DOK5: variants seen among roughly 807,000 people sequenced by gnomAD.
The protein encoded by DOK5 is docking protein 5.
In DOK5, 27 loss-of-function variants were observed where a neutral mutation model predicts 43.3. The observed-to-expected ratio is 0.62, with a 90% CI of 0.46 to 0.86. The LOEUF is 0.86. DOK5 is among the 40% of genes least tolerant of loss of function. The pLI, the probability that DOK5 is intolerant of heterozygous loss-of-function variation, is 0.00. For missense variants in DOK5, 373 were observed against 392.9 expected, an observed-to-expected ratio of 0.95 and a Z score of 0.43; for synonymous variants, 146 against 140.1, an observed-to-expected ratio of 1.04 and a Z score of -0.30.
chr20:54,584,080 G>A (rs1985722995), intron 2 of DOK5, among the ~76,000 whole-genome samples: 1 of 152,048 alleles, frequency 6.6e-6, no homozygotes, highest in Middle Eastern at 3.2e-3. Flanking sequence ...AACCCAGGAG[G>A]CAGAGGTTAG....
chr20:54,494,112 G>A (rs1982298349), intron 1 of DOK5, among the ~76,000 whole-genome samples: 1 of 152,158 alleles, frequency 6.6e-6, no homozygotes, highest in African/African-American at 2.4e-5. Context: ...GGCACAGCTT[G>A]TCTCACTTCT....
At chr20:54,589,857 C>T (rs772992216) in intron 4 of DOK5, among the ~76,000 whole-genome samples, 5 of 152,044 alleles carry the variant, frequency 3.3e-5, no homozygotes, top group Admixed American at 1.3e-4. Context: ...TGTTATTGAC[C>T]GAGACCTAGA....
Position 54,588,737 on chromosome 20 carries a change from A to G in DOK5, c.340A>G (p.Thr114Ala), listed in dbSNP as rs1985890077. 1 of 1,614,108 alleles carries G rather than the reference A, an allele frequency of 6.2e-7. No homozygotes were observed. The highest frequency in any genetic ancestry group is 8.5e-7 in the Non-Finnish European group (1 of 1,179,968). The change falls in exon 4 of 8, where the codon ACA becomes GCA. Residue 114 changes from threonine to alanine, a missense_variant. Physicochemically the swap from Thr to Ala is moderately conservative, Grantham distance 58 (BLOSUM62 0). Transcript: ENST00000262593. ...CKVLQMECVGTRINDISLGEP... is the reference protein window; with the variant it reads ...CKVLQMECVGARINDISLGEP... The stretch of plus-strand genomic sequence containing the variant: ...AGTACTCCAGATGGAGTGTGTAGGA[A>G]CACGGATCAATGACATCAGCCTTGG...
At chr20:54,569,275 G>C (rs1226644130) in intron 2 of DOK5, among the ~76,000 whole-genome samples, 1 of 152,130 alleles carries the variant, frequency 6.6e-6, no homozygotes, top group East Asian at 1.9e-4. Context: ...TCAAAATATT[G>C]TGGTTAATGA....
chr20:54,552,315 T>C (rs1221803816), intron 1 of DOK5, among the ~76,000 whole-genome samples: 1 of 152,170 alleles, frequency 6.6e-6, no homozygotes, highest in Non-Finnish European at 1.5e-5. Flanking sequence ...AATAACATAT[T>C]ATGAACACTT....
At chr20:54,548,229 T>TTTTA (rs10694715) in intron 1 of DOK5, among the ~76,000 whole-genome samples, 23,124 of 149,352 alleles carry the variant, frequency 0.15, 2,529 homozygotes, top group African/African-American at 0.32. Flanking sequence ...ATTACCTATC[T>TTTTA]TTTATTTATT....
intron 6 of DOK5, among the ~76,000 whole-genome samples, chr20:54,619,015 T>A (rs1986900545): frequency 9.2e-6 from 1 of 108,222 alleles, no homozygotes; most frequent in Non-Finnish European, 1.8e-5. Context: ...AGACCTTGTT[T>A]CAATAAATTA....
At chr20:54,588,187 A>G (rs779086327) in intron 2 of DOK5, among the ~76,000 whole-genome samples, 27 of 152,176 alleles carry the variant, frequency 1.8e-4, no homozygotes, top group Non-Finnish European at 3.5e-4. Context: ...GATTTGAAAA[A>G]CTAAAGAAAA....
intron 1 of DOK5, among the ~76,000 whole-genome samples, chr20:54,500,377 C>A (rs913477721): frequency 6.6e-6 from 1 of 152,002 alleles, no homozygotes; most frequent in African/African-American, 2.4e-5. Flanking sequence ...CATTTTTCTT[C>A]TTTTTATTGT....
chr20:54,529,283 T>C (rs1289091501), intron 1 of DOK5, among the ~76,000 whole-genome samples: 1 of 152,208 alleles, frequency 6.6e-6, no homozygotes, highest in Non-Finnish European at 1.5e-5. Context: ...TGAACAATAA[T>C]TGCTCTTCAA....
intron 6 of DOK5, among the ~76,000 whole-genome samples, chr20:54,639,751 A>C (rs1408521102): frequency 6.6e-6 from 1 of 152,234 alleles, no homozygotes; most frequent in Non-Finnish European, 1.5e-5. Flanking sequence ...CATACAGCAA[A>C]ACCAATTTTC....
chr20:54,597,742 C>A (rs1311857943), intron 5 of DOK5, among the ~76,000 whole-genome samples: 1 of 151,352 alleles, frequency 6.6e-6, no homozygotes, highest in Non-Finnish European at 1.5e-5. Flanking sequence ...GAGAAAGCAT[C>A]TTTTACTTCC....
intron 1 of DOK5, among the ~76,000 whole-genome samples, chr20:54,534,991 G>A (rs557282238): frequency 2.0e-5 from 3 of 152,110 alleles, no homozygotes; most frequent in Non-Finnish European, 4.4e-5. Context: ...GTGCCACCAC[G>A]CCTGGCTAGT....
intron 2 of DOK5, among the ~76,000 whole-genome samples, chr20:54,572,322 G>A (rs536071684): frequency 4.1e-4 from 63 of 152,026 alleles, no homozygotes; most frequent in Non-Finnish European, 7.7e-4. Flanking sequence ...CACCACGCCC[G>A]GCTAATTTTT....
intron 6 of DOK5, among the ~76,000 whole-genome samples, chr20:54,612,821 G>A (rs918465919): frequency 2.0e-5 from 3 of 152,164 alleles, no homozygotes; most frequent in African/African-American, 7.2e-5. Context: ...CAAGATCATG[G>A]CCCGTGAAGC....
intron 1 of DOK5, among the ~76,000 whole-genome samples, chr20:54,498,546 G>A (rs536383322): frequency 2.6e-5 from 4 of 152,246 alleles, no homozygotes; most frequent in South Asian, 4.1e-4. Flanking sequence ...GTTGGGTCAT[G>A]TTTTCAGAGT....
chr20:54,574,071 T>G, intron 2 of DOK5, among the ~76,000 whole-genome samples: 1 of 152,184 alleles, frequency 6.6e-6, no homozygotes, highest in African/African-American at 2.4e-5. Flanking sequence ...CTTCTGTCAT[T>G]TCCTGCATTG....
chr20:54,497,936 G>A (rs921618137), intron 1 of DOK5, among the ~76,000 whole-genome samples: 1 of 152,152 alleles, frequency 6.6e-6, no homozygotes, highest in Admixed American at 6.6e-5. Flanking sequence ...AGGAACAGTG[G>A]TTGGAAGGTG....
At chr20:54,626,263 A>G (rs1296536500) in intron 6 of DOK5, among the ~76,000 whole-genome samples, 2 of 152,210 alleles carry the variant, frequency 1.3e-5, no homozygotes, top group African/African-American at 2.4e-5. Context: ...GGTGAGGGAA[A>G]GAGCGGAGGT....
Sources: gnomAD v4.1 joint callset for allele counts (sites outside exome capture counted in the v4.1 genomes callset) on GRCh38, gnomAD v4.1.1 for gene constraint, MANE v1.5 for transcripts, NCBI Gene and HGNC (gene_info 2026-07-23, HGNC 2026-07-21) for gene names.